The following PCDHA1 variants were observed in gnomAD, a reference collection of about 807,000 sequenced individuals.
PCDHA1 encodes protocadherin alpha-1.
In PCDHA1, 42 loss-of-function variants were observed where a neutral mutation model predicts 61.3. That is an observed-to-expected ratio of 0.69 (90% CI 0.54 to 0.89). The LOEUF is 0.89. Ranked by LOEUF, PCDHA1 falls within the 40% of genes least tolerant of loss-of-function variation. The pLI is 0.00. For missense variants in PCDHA1, 1,256 were observed against 1,235.3 expected, an observed-to-expected ratio of 1.02 and a Z score of -0.25; for synonymous variants, 610 against 553.8, an observed-to-expected ratio of 1.10 and a Z score of -1.43.
chr5:140,895,838 TCTCA>T (rs1554186667), intron 1 of PCDHA1, among the ~76,000 whole-genome samples: 2 of 152,136 alleles, frequency 1.3e-5, no homozygotes, highest in Admixed American at 1.3e-4. Context: ...TCAGACAAAG[TCTCA>T]CTCTTGTACC....
chr5:140,882,777 A>G (rs2059309071), intron 1 of PCDHA1: 1 of 1,614,096 alleles, frequency 6.2e-7, no homozygotes, highest in Non-Finnish European at 8.5e-7. Context: ...GCATTGACCT[A>G]CCGACTGGAT....
In PCDHA1 at chr5:140,890,236, T is replaced by C. The variant is rs79211810; in HGVS notation, c.2395-88713T>C. 1.2e-3 allele frequency among the ~76,000 whole-genome samples: 183 copies of C among 152,244 alleles called. 1 individual carries two copies. Among genetic ancestry groups the C allele is most frequent in the African/African-American group, 4.0e-3 (168 of 41,532 alleles). ...CCCAGAGACCTAGTTGTTAAGCATT[T>C]ACCAGTACACTACTGCACCTGATTG... On this transcript the variant is annotated intron_variant, in intron 1 of 3. Transcript: ENST00000504120.
chr5:140,993,996 G>T (rs1163632974), intron 3 of PCDHA1, among the ~76,000 whole-genome samples: 1 of 152,148 alleles, frequency 6.6e-6, no homozygotes, highest in Non-Finnish European at 1.5e-5. Flanking sequence ...CTTAGGTCAG[G>T]CCAGGCTCTG....
At chr5:140,856,701 AAC>A (rs2150363820) in intron 1 of PCDHA1, 1 of 1,597,018 alleles carries the variant, frequency 6.3e-7, no homozygotes, top group East Asian at 2.2e-5. Context: ...GATGGAGGCA[AAC>A]CTGAATTTAC....
intron 1 of PCDHA1, among the ~76,000 whole-genome samples, chr5:140,908,289 G>A (rs1031565997): frequency 2.6e-5 from 4 of 152,184 alleles, no homozygotes; most frequent in Non-Finnish European, 4.4e-5. Flanking sequence ...GTTGCAAGCT[G>A]GGGAAGAGAA....
chr5:140,962,034 C>T (rs527918306), intron 1 of PCDHA1, among the ~76,000 whole-genome samples: 1 of 152,172 alleles, frequency 6.6e-6, no homozygotes, highest in South Asian at 2.1e-4. Context: ...CAGGCACCCA[C>T]CACCATGCCT....
intron 1 of PCDHA1, chr5:140,877,875 C>A: frequency 6.8e-7 from 1 of 1,475,090 alleles, no homozygotes; most frequent in Non-Finnish European, 9.0e-7. Context: ...TATTTGTTTC[C>A]TTGAAGAACT....
rs1761328786 is a variant in PCDHA1, at chr5:140,786,734, G to A, written c.444G>A (p.Leu148=). The A allele has an allele frequency of 6.2e-7, 1 of 1,614,096 alleles. No individual in the cohort carries two copies. The highest frequency in any genetic ancestry group is 1.7e-5 in the Admixed American group (1 of 60,012). ...TATTTATTCCTGAATCTAGACTCCT[G>A]AATTCGCGTTTTCCGATAGAAGGAG... ...QIIFIPESRL[L]NSRFPIEGAA... The change falls in exon 1 of 4, where the codon CTG becomes CTA. Residue 148 remains leucine, a synonymous_variant. Transcript: ENST00000504120.
At chr5:140,872,266 T>C (rs1267974541) in intron 1 of PCDHA1, among the ~76,000 whole-genome samples, 2 of 152,208 alleles carry the variant, frequency 1.3e-5, no homozygotes, top group Non-Finnish European at 2.9e-5. Context: ...GTTTTCATAT[T>C]GTTTGAAGAA....
intron 1 of PCDHA1, chr5:140,801,728 T>C (rs781789244): frequency 6.2e-7 from 1 of 1,614,030 alleles, no homozygotes; most frequent in South Asian, 1.1e-5. Flanking sequence ...CCACTGAATA[T>C]TTTACCTTGG....
At position 140,845,457 on chromosome 5, in the gene PCDHA1, T is replaced by C. The variant is rs1172652136; in HGVS notation, c.2394+56773T>C. 2.0e-5 allele frequency among the ~76,000 whole-genome samples: 3 copies of C among 149,680 alleles called. 1 individual carries two copies. The highest frequency in any genetic ancestry group is 4.5e-5 in the Non-Finnish European group (3 of 66,882). ...TTAGTTCTGTTTTTCTTCAACTCTC[T>C]GATATTTGAATTTGGGGTTGTGCTT... On this transcript the variant is annotated intron_variant, in intron 1 of 3. Coordinates refer to ENST00000504120, the MANE Select transcript of PCDHA1 (RefSeq NM_018900.4).
intron 1 of PCDHA1, among the ~76,000 whole-genome samples, chr5:140,844,721 G>C (rs573731008): frequency 6.7e-6 from 1 of 149,274 alleles, no homozygotes; most frequent in Non-Finnish European, 1.5e-5. Context: ...CCATTAGTTC[G>C]TGTAAAAATA....
intron 3 of PCDHA1, among the ~76,000 whole-genome samples, chr5:140,996,757 G>A (rs2097743678): frequency 6.6e-6 from 1 of 152,014 alleles, no homozygotes; most frequent in South Asian, 2.1e-4. Context: ...TATCTGTGCA[G>A]GACTAAAATA....
rs377692615 is a variant in PCDHA1 at position 140,787,718 on chromosome 5, G to C, written c.1428G>C (p.Thr476=). 2.5e-6 allele frequency: 4 copies of C among 1,613,706 alleles called. No individual in the cohort carries two copies. Among genetic ancestry groups the C allele is most frequent in the South Asian group, 2.2e-5 (2 of 91,066 alleles). The change falls in exon 1 of 4, where the codon ACG becomes ACC. Residue 476 remains threonine, a synonymous_variant. Transcript: ENST00000504120. ...ACCCGCCGGGCTGCCACATCTTCAC[G>C]GTGTCTGCGCGGGACGCGGACGCGC... ...ENNPPGCHIF[T]VSARDADAQE...
intron 1 of PCDHA1, among the ~76,000 whole-genome samples, chr5:140,894,198 T>A (rs1431922646): frequency 3.9e-5 from 6 of 152,168 alleles, no homozygotes; most frequent in African/African-American, 1.4e-4. Flanking sequence ...ATTTTTTCTA[T>A]GCTATTATAT....
intron 1 of PCDHA1, chr5:140,828,237 C>T (rs2150152822): frequency 1.8e-5 from 29 of 1,613,956 alleles, no homozygotes; most frequent in South Asian, 4.4e-5. Flanking sequence ...GGCCGGATCG[C>T]GCAGGACCTG....
intron 1 of PCDHA1, among the ~76,000 whole-genome samples, chr5:140,964,843 T>C (rs1229980696): frequency 6.6e-6 from 1 of 152,162 alleles, no homozygotes; most frequent in African/African-American, 2.4e-5. Flanking sequence ...TCCTACTCTG[T>C]ACCCTTGAGG....
chr5:140,928,571 C>T (rs369670852), intron 1 of PCDHA1: 1 of 1,614,180 alleles, frequency 6.2e-7, no homozygotes, highest in East Asian at 2.2e-5. Context: ...TTTCCCTTGC[C>T]CAGAAATGGT....
chr5:140,927,484 A>G (rs1554204601), intron 1 of PCDHA1: 2 of 1,613,906 alleles, frequency 1.2e-6, no homozygotes, highest in East Asian at 2.2e-5. Flanking sequence ...ACAGCGCGCC[A>G]CCCACCTGCT....
Sources: gnomAD v4.1 joint callset for allele counts (sites outside exome capture counted in the v4.1 genomes callset) on GRCh38, gnomAD v4.1.1 for gene constraint, MANE v1.5 for transcripts, NCBI Gene and HGNC (gene_info 2026-07-23, HGNC 2026-07-21) for gene names.